The following GRID2 variants were observed in gnomAD, a reference collection of about 807,000 sequenced individuals.
The protein encoded by GRID2 is glutamate ionotropic receptor delta type subunit 2.
A neutral mutation model predicts 114.8 loss-of-function variants in GRID2; 33 were observed. The ratio of observed to expected loss-of-function variants is 0.29; its 90% confidence interval spans 0.22 to 0.38. The LOEUF is 0.38. Ranked by LOEUF, GRID2 falls within the 10% of genes least tolerant of loss-of-function variation. The pLI, the probability that GRID2 is intolerant of heterozygous loss-of-function variation, is 1.00. For synonymous variants in GRID2, 505 were observed against 449.9 expected, an observed-to-expected ratio of 1.12 and a Z score of -1.55; for missense variants, 1,184 against 1,257.7, an observed-to-expected ratio of 0.94 and a Z score of 0.89.
intron 14 of GRID2, among the ~76,000 whole-genome samples, chr4:93,709,537 T>C (rs1280737934): frequency 6.6e-6 from 1 of 152,214 alleles, no homozygotes; most frequent in African/African-American, 2.4e-5. Flanking sequence ...GGGAGTTTGA[T>C]TATTAAATGC....
intron 4 of GRID2, among the ~76,000 whole-genome samples, chr4:93,150,740 G>T (rs1736657842): frequency 1.3e-5 from 2 of 152,028 alleles, no homozygotes; most frequent in South Asian, 4.1e-4. Context: ...TAGCCTCTTT[G>T]TCCTGAACCC....
At chr4:93,012,165 G>A (rs563442376) in intron 2 of GRID2, among the ~76,000 whole-genome samples, 2 of 150,870 alleles carry the variant, frequency 1.3e-5, no homozygotes, top group Non-Finnish European at 2.9e-5. Flanking sequence ...GTTCCCTGGT[G>A]CAGGTTTTAC....
At chr4:92,506,786 A>T (rs1723994959) in intron 1 of GRID2, among the ~76,000 whole-genome samples, 1 of 151,966 alleles carries the variant, frequency 6.6e-6, no homozygotes, top group Non-Finnish European at 1.5e-5. Context: ...CCTTTGAGAC[A>T]ATAGGTTGAT....
chr4:93,335,690 C>CTTTTTTTTTTTT (rs1260109158), intron 8 of GRID2, among the ~76,000 whole-genome samples: 2 of 106,776 alleles, frequency 1.9e-5, no homozygotes, highest in African/African-American at 7.9e-5. Context: ...TTTCTTTCTT[C>CTTTTTTTTTTTT]TTTCTTTTTT....
chr4:93,321,987 T>G (rs1757267923), intron 8 of GRID2, among the ~76,000 whole-genome samples: 1 of 151,900 alleles, frequency 6.6e-6, no homozygotes, highest in Non-Finnish European at 1.5e-5. Flanking sequence ...TTTAATATTT[T>G]TAATTAAACA....
intron 13 of GRID2, among the ~76,000 whole-genome samples, chr4:93,611,475 C>A (rs1437005372): frequency 7.6e-6 from 1 of 131,110 alleles, no homozygotes; most frequent in African/African-American, 3.3e-5. Context: ...TCCCTCTACA[C>A]ACTGCTTTGA....
At chr4:93,738,311 G>A (rs1409021761) in intron 14 of GRID2, among the ~76,000 whole-genome samples, 1 of 152,168 alleles carries the variant, frequency 6.6e-6, no homozygotes, top group South Asian at 2.1e-4. Flanking sequence ...TCCATATAAG[G>A]GTTATGAGCA....
intron 14 of GRID2, among the ~76,000 whole-genome samples, chr4:93,664,018 G>A (rs953719067): frequency 2.0e-5 from 3 of 152,132 alleles, no homozygotes; most frequent in Non-Finnish European, 2.9e-5. Flanking sequence ...TTGTGGATCA[G>A]GACTTAATAA....
At chr4:92,592,366 A>C (rs1364472838) in intron 2 of GRID2, among the ~76,000 whole-genome samples, 2 of 152,158 alleles carry the variant, frequency 1.3e-5, no homozygotes, top group Non-Finnish European at 2.9e-5. Context: ...AAATGAAGAC[A>C]ACACAGTGGT....
chr4:93,172,969 G>A (rs1388517689), intron 4 of GRID2, among the ~76,000 whole-genome samples: 2 of 151,398 alleles, frequency 1.3e-5, no homozygotes, highest in African/African-American at 4.9e-5. Flanking sequence ...TTTCTCTTAG[G>A]AAAACATCAC....
At chr4:92,870,591 AAG>A (rs1411464918) in intron 2 of GRID2, among the ~76,000 whole-genome samples, 3 of 151,950 alleles carry the variant, frequency 2.0e-5, no homozygotes, top group Admixed American at 6.6e-5. Context: ...TTAAATAAAA[AAG>A]AAATACATAG....
At chr4:93,172,105 T>C (rs902436787) in intron 4 of GRID2, among the ~76,000 whole-genome samples, 4 of 152,306 alleles carry the variant, frequency 2.6e-5, no homozygotes, top group East Asian at 1.9e-4. Flanking sequence ...ATATTTCATC[T>C]TCACCTACAA....
At chr4:92,382,528 C>A (rs1332123930) in intron 1 of GRID2, among the ~76,000 whole-genome samples, 1 of 151,896 alleles carries the variant, frequency 6.6e-6, no homozygotes, top group Non-Finnish European at 1.5e-5. Context: ...GGTGTAAAAT[C>A]AGTAAATTTG....
chr4:93,423,336 CTTTTTTT>C (rs554663844), intron 10 of GRID2, among the ~76,000 whole-genome samples: 165 of 73,582 alleles, frequency 2.2e-3, no homozygotes, highest in African/African-American at 8.6e-3. Context: ...TTTTTTCTTT[CTTTTTTT>C]TTTTTTTTTT....
chr4:92,605,876 G>A (rs368293455), intron 2 of GRID2, among the ~76,000 whole-genome samples: 22 of 152,122 alleles, frequency 1.4e-4, no homozygotes, highest in African/African-American at 4.8e-4. Context: ...TGTGTATTCC[G>A]AAGGAAAACC....
chr4:92,944,523 G>C (rs902935430), intron 2 of GRID2, among the ~76,000 whole-genome samples: 2 of 152,180 alleles, frequency 1.3e-5, no homozygotes, highest in African/African-American at 4.8e-5. Flanking sequence ...TACACTTCCC[G>C]GTTGAGGCGA....
Position 93,683,621 on chromosome 4 carries a change from T to G in GRID2, c.2360+57186T>G, listed in dbSNP as rs572473601. 9.5e-4 allele frequency among the ~76,000 whole-genome samples: 144 copies of G among 152,252 alleles called. 1 individual carries two copies. The highest frequency in any genetic ancestry group is 2.3e-3 in the African/African-American group (96 of 41,562). ...ACAGCATTACTGCCCTTTTCCTAACTACTGAAACTTGGCAATTAGCATTCC... is the reference window on the plus strand; with the variant it reads ...ACAGCATTACTGCCCTTTTCCTAACGACTGAAACTTGGCAATTAGCATTCC... On this transcript the variant is annotated intron_variant, in intron 14 of 15. Coordinates refer to ENST00000282020, the MANE Select transcript of GRID2 (RefSeq NM_001510.4).
At chr4:93,730,611 G>T (rs1277369189) in intron 14 of GRID2, among the ~76,000 whole-genome samples, 2 of 152,210 alleles carry the variant, frequency 1.3e-5, no homozygotes, top group African/African-American at 4.8e-5. Flanking sequence ...GTCAAGATGA[G>T]GTAGATCAGC....
At chr4:92,824,371 G>T (rs928913940) in intron 2 of GRID2, among the ~76,000 whole-genome samples, 1 of 151,820 alleles carries the variant, frequency 6.6e-6, no homozygotes, top group Non-Finnish European at 1.5e-5. Context: ...CATTTCTTTT[G>T]TTTGTTTGTT....
Sources: gnomAD v4.1 joint callset for allele counts (sites outside exome capture counted in the v4.1 genomes callset) on GRCh38, gnomAD v4.1.1 for gene constraint, MANE v1.5 for transcripts, NCBI Gene and HGNC (gene_info 2026-07-23, HGNC 2026-07-21) for gene names.